The following ARFIP1 variants were observed in gnomAD, a reference collection of about 807,000 sequenced individuals.
ARFIP1 encodes ARF interacting protein 1, also known as arfaptin-1.
In ARFIP1, 24 loss-of-function variants were observed where a neutral mutation model predicts 42.5. The ratio of observed to expected loss-of-function variants is 0.57; its 90% CI spans 0.41 to 0.80. The LOEUF is 0.80. ARFIP1 is among the 30% of genes least tolerant of loss of function. The pLI is 0.00. For synonymous variants in ARFIP1, 141 were observed against 153.7 expected (o/e 0.92, Z 0.61); for missense variants, 354 against 434.0 (o/e 0.82, Z 1.64).
intron 8 of ARFIP1, among the ~76,000 whole-genome samples, chr4:152,897,917 A>G (rs1217252644): frequency 6.6e-6 from 1 of 151,460 alleles, no homozygotes; most frequent in African/African-American, 2.4e-5. Flanking sequence ...AAAACCTTTA[A>G]TTAGCATTTC....
At chr4:152,820,992 C>T (rs374729068) in intron 1 of ARFIP1, among the ~76,000 whole-genome samples, 70 of 152,096 alleles carry the variant, frequency 4.6e-4, no homozygotes, top group African/African-American at 1.6e-3. Flanking sequence ...GAACCCAGTA[C>T]AATAAAAAAT....
intron 3 of ARFIP1, among the ~76,000 whole-genome samples, chr4:152,867,569 A>G (rs1324239979): frequency 1.3e-5 from 2 of 152,172 alleles, no homozygotes; most frequent in Non-Finnish European, 2.9e-5. Flanking sequence ...CGAAACAATT[A>G]CTTGTAAAAG....
chr4:152,892,502 A>AT (rs1251413469), intron 8 of ARFIP1, among the ~76,000 whole-genome samples: 1 of 152,212 alleles, frequency 6.6e-6, no homozygotes, highest in Non-Finnish European at 1.5e-5. Flanking sequence ...GACTATAGTA[A>AT]TAAGCTTTAG....
chr4:152,905,542 A>ATTTT (rs1391678382), intron 8 of ARFIP1, among the ~76,000 whole-genome samples: 8 of 45,968 alleles, frequency 1.7e-4, no homozygotes, highest in African/African-American at 4.4e-4. Context: ...AATTGTAAGA[A>ATTTT]TTGTTTTTTT....
At chr4:152,901,163 T>G (rs1737801422) in intron 8 of ARFIP1, among the ~76,000 whole-genome samples, 1 of 152,236 alleles carries the variant, frequency 6.6e-6, no homozygotes, top group South Asian at 2.1e-4. Context: ...TAATCTAAAT[T>G]TTATTTGAAA....
intron 1 of ARFIP1, among the ~76,000 whole-genome samples, chr4:152,808,940 T>A (rs1729228082): frequency 1.3e-5 from 2 of 152,040 alleles, no homozygotes; most frequent in Non-Finnish European, 2.9e-5. Context: ...TAATCCCAGC[T>A]CCTCAGGAGG....
chr4:152,874,745 A>G (rs1211577471), intron 5 of ARFIP1, among the ~76,000 whole-genome samples: 1 of 152,098 alleles, frequency 6.6e-6, no homozygotes, highest in Non-Finnish European at 1.5e-5. Context: ...GATCACTGCA[A>G]CCATAACCAC....
chr4:152,891,745 G>A (rs1561175669), intron 8 of ARFIP1, among the ~76,000 whole-genome samples: 4 of 152,130 alleles, frequency 2.6e-5, no homozygotes, highest in South Asian at 2.1e-4. Context: ...GTCTCGCTAT[G>A]TTGCCCAGGC....
At chr4:152,783,346 T>C (rs1039891826) in intron 1 of ARFIP1, among the ~76,000 whole-genome samples, 1 of 152,200 alleles carries the variant, frequency 6.6e-6, no homozygotes, top group Non-Finnish European at 1.5e-5. Flanking sequence ...TTATGCTAAA[T>C]TAGTTTCCTT....
intron 5 of ARFIP1, among the ~76,000 whole-genome samples, chr4:152,879,978 G>A (rs1378528548): frequency 2.0e-5 from 3 of 152,184 alleles, no homozygotes; most frequent in African/African-American, 7.2e-5. Flanking sequence ...ATCGAATGAA[G>A]TTGAGAGTAA....
intron 7 of ARFIP1, among the ~76,000 whole-genome samples, chr4:152,883,628 A>G (rs1736026791): frequency 1.3e-5 from 2 of 151,654 alleles, no homozygotes; most frequent in Admixed American, 1.3e-4. Context: ...ATTCATATAT[A>G]TATGTATATA....
chr4:152,867,238 A>C (rs896001409), intron 3 of ARFIP1, among the ~76,000 whole-genome samples: 4 of 152,216 alleles, frequency 2.6e-5, no homozygotes, highest in Admixed American at 1.3e-4. Flanking sequence ...CTCCGTCTGC[A>C]ATCCCGGCAC....
At chr4:152,859,982 A>T (rs910349833) in intron 2 of ARFIP1, among the ~76,000 whole-genome samples, 16 of 151,962 alleles carry the variant, frequency 1.1e-4, no homozygotes, top group African/African-American at 3.4e-4. Context: ...TCACTCAAAA[A>T]ATAAAAATCA....
At position 152,882,823 on chromosome 4, in the gene ARFIP1, T is replaced by C. The variant is rs771401404; in HGVS notation, c.734T>C (p.Leu245Ser). The C allele has an allele frequency of 3.1e-6, 5 of 1,611,586 alleles. No individual in the cohort carries two copies. Among genetic ancestry groups the C allele is most frequent in the Non-Finnish European group, 4.2e-6 (5 of 1,179,082 alleles). ...INFFIASVNTLVNKTIEDTLM... is the reference protein window; with the variant it reads ...INFFIASVNTSVNKTIEDTLM... ...TTTTTCATTGCTAGTGTGAACACTT[T>C]GGTGAATAAAACCATTGAAGATACA... Residue 245 changes from leucine (L) to serine (S), a missense_variant, in exon 7 of 9, where the codon TTG (leucine) becomes TCG (serine). Transcript: ENST00000353617.
intron 1 of ARFIP1, among the ~76,000 whole-genome samples, chr4:152,793,191 T>C (rs1372900409): frequency 2.0e-5 from 3 of 151,738 alleles, no homozygotes; most frequent in Non-Finnish European, 2.9e-5. Context: ...TATTTTGTTA[T>C]CAAAGTTATA....
At chr4:152,848,352 G>A (rs1346315446) in intron 2 of ARFIP1, among the ~76,000 whole-genome samples, 1 of 152,108 alleles carries the variant, frequency 6.6e-6, no homozygotes. Context: ...GTAAGAACGA[G>A]GACGAGGACT....
chr4:152,856,010 T>C (rs1021710906), intron 2 of ARFIP1, among the ~76,000 whole-genome samples: 3 of 152,188 alleles, frequency 2.0e-5, no homozygotes, highest in African/African-American at 7.2e-5. Flanking sequence ...CTTTTGGTTC[T>C]TCTTAATGGA....
Position 152,880,621 on chromosome 4 carries a change from A to T in ARFIP1, c.412-342A>T, listed in dbSNP as rs896313023. On this transcript the variant is annotated intron_variant, in intron 5 of 8. Transcript: ENST00000353617. ...AGGAGAGTAGTATTTTGGTGTTCTT[A>T]TTATTCCTATATTAACAGTCTATAT... 5.9e-5 allele frequency among the ~76,000 whole-genome samples: 9 copies of T among 152,156 alleles called. No homozygotes were observed. The East Asian group carries it at 1.7e-3, about 29-fold the overall frequency.
At chr4:152,781,989 TGATA>T (rs1479064812) in intron 1 of ARFIP1, among the ~76,000 whole-genome samples, 2 of 152,246 alleles carry the variant, frequency 1.3e-5, no homozygotes, top group Non-Finnish European at 2.9e-5. Flanking sequence ...TACAGCCTCT[TGATA>T]GATTAAAACC....
Sources: gnomAD v4.1 joint callset for allele counts (sites outside exome capture counted in the v4.1 genomes callset) on GRCh38, gnomAD v4.1.1 for gene constraint, MANE v1.5 for transcripts, NCBI Gene and HGNC (gene_info 2026-07-23, HGNC 2026-07-21) for gene names.